The following PRKD1 variants were observed in gnomAD, a reference collection of about 807,000 sequenced individuals.
The protein encoded by PRKD1 is serine/threonine-protein kinase D1.
In PRKD1, 63 loss-of-function variants were observed where a neutral mutation model predicts 95.9. The observed-to-expected ratio is 0.66, with a 90% CI of 0.54 to 0.81. The LOEUF (loss-of-function observed/expected upper bound fraction) is 0.81. PRKD1 is among the 30% of genes least tolerant of loss of function. The probability of loss-of-function intolerance (pLI) is 0.00; values close to 1 mark genes in which losing one functional copy is unlikely to be tolerated. For synonymous variants in PRKD1, 425 were observed against 423.1 expected, an observed-to-expected ratio of 1.00 and a Z score of -0.05; for missense variants, 1,048 against 1,165.3, an observed-to-expected ratio of 0.90 and a Z score of 1.47.
chr14:29,860,947 G>A (rs889440753), intron 1 of PRKD1, among the ~76,000 whole-genome samples: 9 of 152,128 alleles, frequency 5.9e-5, no homozygotes, highest in African/African-American at 1.2e-4. Flanking sequence ...GGTTAATTCC[G>A]TAATTAGTTT....
chr14:29,833,056 G>T (rs1345031557), intron 1 of PRKD1, among the ~76,000 whole-genome samples: 1 of 152,012 alleles, frequency 6.6e-6, no homozygotes, highest in Non-Finnish European at 1.5e-5. Context: ...AGAATAGTAT[G>T]TAAGAAAAGC....
chr14:29,876,683 T>A (rs1893301858), intron 1 of PRKD1, among the ~76,000 whole-genome samples: 1 of 151,076 alleles, frequency 6.6e-6, no homozygotes, highest in Non-Finnish European at 1.5e-5. Flanking sequence ...AGTATCTATT[T>A]TATAAAAACT....
chr14:29,652,007 A>G (rs533459957), intron 4 of PRKD1, among the ~76,000 whole-genome samples: 3 of 152,242 alleles, frequency 2.0e-5, no homozygotes, highest in South Asian at 4.1e-4. Flanking sequence ...TGGCCTCCCA[A>G]AGTGTTGGGA....
chr14:29,738,782 T>C (rs982228338), intron 1 of PRKD1, among the ~76,000 whole-genome samples: 3 of 151,572 alleles, frequency 2.0e-5, no homozygotes, highest in African/African-American at 7.3e-5. Context: ...TCCTTCCTTC[T>C]TTCTTTCTCT....
chr14:29,671,094 G>C (rs1346334574), intron 2 of PRKD1, among the ~76,000 whole-genome samples: 1 of 152,062 alleles, frequency 6.6e-6, no homozygotes, highest in African/African-American at 2.4e-5. Context: ...AATGTATTTA[G>C]ATAGGTTGAC....
At chr14:29,888,627 G>C (rs1021935237) in intron 1 of PRKD1, among the ~76,000 whole-genome samples, 7 of 152,178 alleles carry the variant, frequency 4.6e-5, no homozygotes, top group African/African-American at 1.7e-4. Context: ...AAGTTGACCA[G>C]CAGAGTTGAC....
At chr14:29,621,922 C>T (rs1045589102) in intron 13 of PRKD1, among the ~76,000 whole-genome samples, 1 of 152,170 alleles carries the variant, frequency 6.6e-6, no homozygotes, top group African/African-American at 2.4e-5. Flanking sequence ...GGACTTTCAA[C>T]CTAACCAAAC....
chr14:29,672,059 A>G (rs1882878029), intron 2 of PRKD1, among the ~76,000 whole-genome samples: 1 of 152,108 alleles, frequency 6.6e-6, no homozygotes. Context: ...TCATTTAACA[A>G]TTGGCCGGCG....
intron 2 of PRKD1, among the ~76,000 whole-genome samples, chr14:29,679,359 C>A (rs1290172776): frequency 6.6e-6 from 1 of 152,104 alleles, no homozygotes; most frequent in Non-Finnish European, 1.5e-5. Flanking sequence ...AGCCATTGTT[C>A]TCAGCACTCA....
chr14:29,638,648 T>A (rs779652189), intron 5 of PRKD1, 46 bp downstream of exon 5: 1 of 1,611,358 alleles, frequency 6.2e-7, no homozygotes, highest in East Asian at 2.2e-5. Flanking sequence ...TTATGTCAGA[T>A]GAATGAGGGT....
chr14:29,687,846 T>A (rs1294809729), intron 2 of PRKD1, among the ~76,000 whole-genome samples: 1 of 152,228 alleles, frequency 6.6e-6, no homozygotes, highest in African/African-American at 2.4e-5. Flanking sequence ...CACGCCCTCA[T>A]AAGCATGTCC....
intron 2 of PRKD1, among the ~76,000 whole-genome samples, chr14:29,719,832 T>C (rs1566559688): frequency 1.3e-5 from 2 of 152,178 alleles, no homozygotes; most frequent in African/African-American, 4.8e-5. Flanking sequence ...ATTTGTTCCA[T>C]GGTCATCACC....
chr14:29,643,775 T>TA (rs1232581289), intron 4 of PRKD1, among the ~76,000 whole-genome samples: 1 of 152,182 alleles, frequency 6.6e-6, no homozygotes, highest in African/African-American at 2.4e-5. Flanking sequence ...GTCACTTGCG[T>TA]AAAAAATCAA....
At chr14:29,715,129 AAAAT>A (rs1344903971) in intron 2 of PRKD1, among the ~76,000 whole-genome samples, 4 of 152,148 alleles carry the variant, frequency 2.6e-5, no homozygotes, top group Admixed American at 2.0e-4. Flanking sequence ...AATAAATAAT[AAAAT>A]AAATAAATAT....
At chr14:29,719,292 T>C (rs1885773131) in intron 2 of PRKD1, among the ~76,000 whole-genome samples, 1 of 152,162 alleles carries the variant, frequency 6.6e-6, no homozygotes, top group Non-Finnish European at 1.5e-5. Context: ...GAGAAGAACC[T>C]TCAGGGTTTT....
chr14:29,754,791 T>C (rs1024726980), intron 1 of PRKD1, among the ~76,000 whole-genome samples: 1 of 152,150 alleles, frequency 6.6e-6, no homozygotes, highest in African/African-American at 2.4e-5. Flanking sequence ...TTCTTGAGAC[T>C]GATTCAGCTA....
intron 1 of PRKD1, among the ~76,000 whole-genome samples, chr14:29,844,571 G>A (rs1892004599): frequency 6.6e-6 from 1 of 152,130 alleles, no homozygotes. Flanking sequence ...ACTATAAACT[G>A]TTTAGCCTCA....
intron 1 of PRKD1, among the ~76,000 whole-genome samples, chr14:29,857,610 TA>T (rs1892555016): frequency 6.6e-6 from 1 of 152,178 alleles, no homozygotes; most frequent in Non-Finnish European, 1.5e-5. Flanking sequence ...TCGTTCAGGT[TA>T]GGGTTATGCT....
intron 16 of PRKD1, among the ~76,000 whole-genome samples, chr14:29,595,572 C>T (rs539160570): frequency 5.9e-5 from 9 of 152,216 alleles, no homozygotes; most frequent in South Asian, 4.1e-4. Context: ...TCTAGTCCTC[C>T]GGTGTCTATT....
Sources: gnomAD v4.1 joint callset for allele counts (sites outside exome capture counted in the v4.1 genomes callset) on GRCh38, gnomAD v4.1.1 for gene constraint, MANE v1.5 for transcripts, NCBI Gene and HGNC (gene_info 2026-07-23, HGNC 2026-07-21) for gene names.